The following PRKAG2 variants were observed in gnomAD, a reference collection of about 807,000 sequenced individuals.
PRKAG2 encodes the protein protein kinase AMP-activated non-catalytic subunit gamma 2.
Under a neutral mutation model 69.6 loss-of-function variants are expected in PRKAG2, and 26 were observed. That is an observed-to-expected ratio of 0.37 (90% CI 0.27 to 0.52). The LOEUF (loss-of-function observed/expected upper bound fraction) is 0.52, where lower values mean the gene tolerates loss of function less well. Ranked by LOEUF, PRKAG2 falls within the 20% of genes least tolerant of loss-of-function variation. The probability of loss-of-function intolerance (pLI) is 0.90; values close to 1 mark genes in which losing one functional copy is unlikely to be tolerated. For missense variants in PRKAG2, 557 were observed against 740.0 expected (o/e 0.75, Z 2.87); for synonymous variants, 293 against 285.0 (o/e 1.03, Z -0.28).
rs1298976658 is a variant in PRKAG2 at position 151,807,216 on chromosome 7, T to C, written c.115-20675A>G. Among the ~76,000 whole-genome samples, 1 of 152,116 alleles carries C rather than the reference T, an allele frequency of 6.6e-6. No individual in the cohort carries two copies. Among genetic ancestry groups the C allele is most frequent in the Non-Finnish European group, 1.5e-5 (1 of 68,024 alleles). ...TTGTATACTGTCAGTCAAAGGGCAT[T>C]ATATGTAAATCACACCTCAATAAAG... On this transcript the variant is annotated intron_variant, in intron 1 of 15. Transcript: ENST00000287878. The surrounding 1 kb of genome is among the most constrained non-coding windows in gnomAD (Gnocchi z 4.4).
chr7:151,565,698 T>C (rs992817056), intron 12 of PRKAG2, 22 bp downstream of exon 12: 3 of 1,605,578 alleles, frequency 1.9e-6, no homozygotes, highest in Non-Finnish European at 2.6e-6. Flanking sequence ...TATTTCTGCC[T>C]GTCAGCGCCA....
chr7:151,759,423 T>A (rs12668627), intron 3 of PRKAG2, among the ~76,000 whole-genome samples: 57,010 of 152,082 alleles, frequency 0.37, 12,029 homozygotes, highest in East Asian at 0.84. Flanking sequence ...CCTAGAATGG[T>A]ATCCCCACGA....
At chr7:151,621,717 C>T (rs6967519) in intron 5 of PRKAG2, among the ~76,000 whole-genome samples, 20,931 of 151,968 alleles carry the variant, frequency 0.14, 1,636 homozygotes, top group African/African-American at 0.18. Flanking sequence ...GGACCACAGG[C>T]GTGCACCACC....
chr7:151,736,575 A>G (rs1235221036), intron 3 of PRKAG2, among the ~76,000 whole-genome samples: 1 of 152,158 alleles, frequency 6.6e-6, no homozygotes, highest in Non-Finnish European at 1.5e-5. Flanking sequence ...GTGACATGAC[A>G]TCACACAACT....
chr7:151,844,309 C>T (rs1012010931), intron 1 of PRKAG2, among the ~76,000 whole-genome samples: 1 of 152,158 alleles, frequency 6.6e-6, no homozygotes, highest in Non-Finnish European at 1.5e-5. Flanking sequence ...GACCTCATCC[C>T]TAACACCTCG....
chr7:151,827,855 G>A lies in PRKAG2; in HGVS notation c.115-41314C>T, dbSNP rs531326488. On this transcript the variant is annotated intron_variant, in intron 1 of 15. Transcript: ENST00000287878. ...CCAAGGGCAGCCCCAGGAGGACCAC[G>A]TGGCCTCCGTCTTGGTGCTGTTGTT... Among the ~76,000 whole-genome samples, 99 of 151,328 alleles carry A rather than the reference G, an allele frequency of 6.5e-4. 1 individual carries two copies. In the South Asian group the frequency reaches 0.012, roughly 18 times the overall value.
intron 5 of PRKAG2, among the ~76,000 whole-genome samples, chr7:151,613,271 G>A (rs1819300263): frequency 6.6e-6 from 1 of 152,168 alleles, no homozygotes; most frequent in South Asian, 2.1e-4. Context: ...TAACAACAGT[G>A]ATATACACAG....
At chr7:151,627,266 C>T (rs1341300325) in intron 5 of PRKAG2, among the ~76,000 whole-genome samples, 5 of 152,240 alleles carry the variant, frequency 3.3e-5, no homozygotes, top group South Asian at 4.1e-4. Context: ...TTCCCTCCTA[C>T]GAAAAGTGGC....
intron 1 of PRKAG2, among the ~76,000 whole-genome samples, chr7:151,832,485 C>T (rs2079057263): frequency 6.6e-6 from 1 of 151,754 alleles, no homozygotes; most frequent in African/African-American, 2.4e-5. Context: ...GAGGTTAGGT[C>T]CACGAGAAAG....
At chr7:151,864,615 C>G (rs910165903) in intron 1 of PRKAG2, among the ~76,000 whole-genome samples, 3 of 152,198 alleles carry the variant, frequency 2.0e-5, no homozygotes, top group African/African-American at 7.2e-5. Context: ...CAAAATACAC[C>G]TAACATGCAA....
At chr7:151,588,268 C>T (rs923247006) in intron 6 of PRKAG2, among the ~76,000 whole-genome samples, 1 of 151,894 alleles carries the variant, frequency 6.6e-6, no homozygotes, top group East Asian at 1.9e-4. Context: ...ATAATTCCCA[C>T]GTGTCATGGG....
intron 3 of PRKAG2, among the ~76,000 whole-genome samples, chr7:151,724,455 G>A (rs1008754445): frequency 6.6e-6 from 1 of 152,108 alleles, no homozygotes; most frequent in African/African-American, 2.4e-5. Context: ...CCTGAGGAAG[G>A]GGGTGACTGG....
At chr7:151,631,653 A>T (rs1405988554) in intron 5 of PRKAG2, 1 of 456,632 alleles carries the variant, frequency 2.2e-6, no homozygotes, top group South Asian at 1.5e-5. Context: ...ATATCTTCAC[A>T]GGCGCAGATA....
At chr7:151,696,373 G>A (rs1260004735) in intron 3 of PRKAG2, among the ~76,000 whole-genome samples, 1 of 152,178 alleles carries the variant, frequency 6.6e-6, no homozygotes, top group Non-Finnish European at 1.5e-5. Context: ...GGGGCTCCGG[G>A]GCAGCGCAAC....
In PRKAG2 at chr7:151,572,477, G is replaced by A. The variant is rs1039932895; in HGVS notation, c.1051+187C>T. On this transcript the variant is annotated intron_variant, in intron 9 of 15. Transcript: ENST00000287878. Reference sequence around the variant, plus strand: ...TCCTATACATGTCTATAAACAGAAGGGACAATACTTATATTGTTCAGCTTT... The same window carrying A: ...TCCTATACATGTCTATAAACAGAAGAGACAATACTTATATTGTTCAGCTTT... 1.2e-5 allele frequency: 6 copies of A among 519,266 alleles called. No individual in the cohort carries two copies. In the African/African-American group the frequency reaches 1.2e-4, roughly 10 times the overall value. The allele number at this position is 519,266 out of a possible 1,614,324, so 32.2% of individuals were successfully genotyped here.
chr7:151,802,440 A>T (rs749219305), intron 1 of PRKAG2, among the ~76,000 whole-genome samples: 5 of 152,176 alleles, frequency 3.3e-5, no homozygotes, highest in Non-Finnish European at 7.3e-5. Context: ...TTTCAGACTA[A>T]TCTGGGAGAC....
chr7:151,719,266 G>A lies in PRKAG2; in HGVS notation c.467-43629C>T, dbSNP rs921998990. 6.6e-6 allele frequency among the ~76,000 whole-genome samples: 1 copy of A among 152,088 alleles called. No individual in the cohort carries two copies. The highest frequency in any genetic ancestry group is 1.5e-5 in the Non-Finnish European group (1 of 68,022). On this transcript the variant is annotated intron_variant, in intron 3 of 15. Transcript: ENST00000287878. This position sits in a 1 kb window ranked among gnomAD's most constrained non-coding sequence, Gnocchi z 5.2. ...GCAACATGCTTCCCGGCCCCGGCAC[G>A]CTCAGCCCTGGTCCAACTTATCATA...
intron 1 of PRKAG2, among the ~76,000 whole-genome samples, chr7:151,819,323 C>A (rs555014260): frequency 6.6e-6 from 1 of 152,346 alleles, no homozygotes; most frequent in East Asian, 1.9e-4. Context: ...GTTGGACCTG[C>A]CGCCTAAAAT....
In PRKAG2 at chr7:151,865,846, C is replaced by T. The variant is rs189089619; in HGVS notation, c.114+10661G>A. Among the ~76,000 whole-genome samples, 33 of 151,980 alleles carry T rather than the reference C, an allele frequency of 2.2e-4. 1 individual carries two copies. The highest frequency in any genetic ancestry group is 2.7e-4 in the African/African-American group (11 of 41,452). On this transcript the variant is annotated intron_variant, in intron 1 of 15. Transcript: ENST00000287878. Reference sequence around the variant, plus strand: ...CATCCTGGCTAACACGGTGAAACCCCGTCTCTATTAAAAAATACAAAAAAT... The same window carrying T: ...CATCCTGGCTAACACGGTGAAACCCTGTCTCTATTAAAAAATACAAAAAAT...
Sources: allele counts gnomAD v4.1 joint callset (sites outside exome capture counted in the v4.1 genomes callset), GRCh38; gene constraint gnomAD v4.1.1; non-coding constraint Gnocchi (gnomAD v3.1); transcripts MANE v1.5; gene names NCBI Gene and HGNC (gene_info 2026-07-23, HGNC 2026-07-21).